HECW1: variants seen among roughly 807,000 people sequenced by gnomAD.
The protein encoded by HECW1 is E3 ubiquitin-protein ligase HECW1.
Under a neutral mutation model 182.3 loss-of-function variants are expected in HECW1, and 61 were observed. That is an observed-to-expected ratio of 0.33 (90% CI 0.27 to 0.41). The LOEUF (loss-of-function observed/expected upper bound fraction) is 0.41, where lower values mean the gene tolerates loss of function less well. Ranked by LOEUF, HECW1 falls within the 10% of genes least tolerant of loss-of-function variation. The pLI is 1.00. For missense variants in HECW1, 1,739 were observed against 2,108.9 expected, an observed-to-expected ratio of 0.82 and a Z score of 3.44; for synonymous variants, 859 against 832.6, an observed-to-expected ratio of 1.03 and a Z score of -0.55.
rs143734637 is a variant in HECW1 at position 43,387,324 on chromosome 7, T to C, written c.556-9490T>C. On this transcript the variant is annotated intron_variant, in intron 6 of 29. Transcript: ENST00000395891. The stretch of plus-strand genomic sequence containing the variant: ...CTAAGTCTTAGAGGATCCAGGTCTT[T>C]CTCTGTGGTCTTTATTCACCAAAAC... Among the ~76,000 whole-genome samples, 219 of 152,288 alleles carry C rather than the reference T, an allele frequency of 1.4e-3. 1 individual carries two copies. Among genetic ancestry groups the C allele is most frequent in the African/African-American group, 5.0e-3 (207 of 41,564 alleles).
At chr7:43,221,081 G>GAC (rs1048167800) in intron 2 of HECW1, among the ~76,000 whole-genome samples, 1 of 152,212 alleles carries the variant, frequency 6.6e-6, no homozygotes, top group African/African-American at 2.4e-5. Context: ...TTCTTCTAGT[G>GAC]ACCTGGAAGC....
At chr7:43,445,935 G>A (rs978526917) in intron 11 of HECW1, among the ~76,000 whole-genome samples, 4 of 152,264 alleles carry the variant, frequency 2.6e-5, no homozygotes, top group South Asian at 4.1e-4. Context: ...GATATACATG[G>A]GAAAAATCTA....
intron 2 of HECW1, among the ~76,000 whole-genome samples, chr7:43,230,326 A>G (rs1797772053): frequency 6.6e-6 from 1 of 152,192 alleles, no homozygotes; most frequent in Non-Finnish European, 1.5e-5. Flanking sequence ...CCCTGGAGGC[A>G]GAGGTTGCAA....
intron 8 of HECW1, among the ~76,000 whole-genome samples, chr7:43,427,092 A>C (rs943333744): frequency 1.4e-4 from 22 of 152,118 alleles, no homozygotes; most frequent in African/African-American, 5.3e-4. Context: ...ATATTTGAAA[A>C]TGTTTTTATT....
chr7:43,374,279 CA>C (rs2074231755), intron 6 of HECW1, among the ~76,000 whole-genome samples: 1 of 152,172 alleles, frequency 6.6e-6, no homozygotes, highest in Non-Finnish European at 1.5e-5. Context: ...CTGTTCTCTA[CA>C]TGATTCAAGA....
chr7:43,321,777 C>G (rs1810145603), intron 5 of HECW1, among the ~76,000 whole-genome samples: 1 of 150,962 alleles, frequency 6.6e-6, no homozygotes, highest in Non-Finnish European at 1.5e-5. Flanking sequence ...CTTTCATTTT[C>G]ATTCACTCTT....
At chr7:43,188,867 G>A (rs1191010338) in intron 2 of HECW1, among the ~76,000 whole-genome samples, 1 of 152,070 alleles carries the variant, frequency 6.6e-6, no homozygotes, top group Non-Finnish European at 1.5e-5. Context: ...CTTGTCATTG[G>A]GGTTAGAAAC....
intron 3 of HECW1, among the ~76,000 whole-genome samples, chr7:43,305,343 C>CT (rs1324313128): frequency 6.6e-6 from 1 of 152,102 alleles, no homozygotes; most frequent in Non-Finnish European, 1.5e-5. Context: ...CTAAGCTTTC[C>CT]TTTTATCTTC....
chr7:43,513,211 C>A (rs2079964482), intron 24 of HECW1, among the ~76,000 whole-genome samples: 1 of 152,192 alleles, frequency 6.6e-6, no homozygotes, highest in Non-Finnish European at 1.5e-5. Flanking sequence ...TCACACTTTT[C>A]TGTATTATCT....
chr7:43,382,038 C>A (rs1017688621), intron 6 of HECW1, among the ~76,000 whole-genome samples: 1 of 152,078 alleles, frequency 6.6e-6, no homozygotes, highest in African/African-American at 2.4e-5. Flanking sequence ...GTAGTCCCAG[C>A]ACTTTGGGAG....
chr7:43,512,865 G>C (rs1210916604), intron 24 of HECW1, among the ~76,000 whole-genome samples: 1 of 152,188 alleles, frequency 6.6e-6, no homozygotes, highest in Non-Finnish European at 1.5e-5. Context: ...ACGGTACTCA[G>C]CTGTGGCTGG....
At chr7:43,450,113 G>A (rs533835791) in intron 11 of HECW1, among the ~76,000 whole-genome samples, 3 of 151,476 alleles carry the variant, frequency 2.0e-5, no homozygotes, top group South Asian at 4.2e-4. Flanking sequence ...CTTTCCTGTC[G>A]CCGTCTTTCT....
chr7:43,500,292 G>A (rs997778874), intron 19 of HECW1, among the ~76,000 whole-genome samples: 3 of 151,942 alleles, frequency 2.0e-5, no homozygotes, highest in African/African-American at 2.4e-5. Context: ...TAGAGACAAG[G>A]TTTCACCATA....
At chr7:43,465,886 G>A (rs1012785968) in intron 14 of HECW1, among the ~76,000 whole-genome samples, 11 of 151,318 alleles carry the variant, frequency 7.3e-5, no homozygotes, top group East Asian at 2.0e-4. Flanking sequence ...AGAGCGAGAC[G>A]CTGTCTCAAG....
intron 13 of HECW1, 97 bp downstream of exon 13, chr7:43,456,544 G>C: frequency 9.0e-7 from 1 of 1,108,740 alleles, no homozygotes; most frequent in Middle Eastern, 2.1e-4. Context: ...CAGACTGTAT[G>C]AGGAGACTGG....
intron 2 of HECW1, among the ~76,000 whole-genome samples, chr7:43,197,368 C>T (rs1794558884): frequency 2.0e-5 from 3 of 152,082 alleles, no homozygotes; most frequent in African/African-American, 7.2e-5. Context: ...TGACTTTATG[C>T]AAATCAGAGA....
At chr7:43,147,042 C>A (rs1788791570) in intron 2 of HECW1, among the ~76,000 whole-genome samples, 1 of 152,180 alleles carries the variant, frequency 6.6e-6, no homozygotes, top group Admixed American at 6.5e-5. Flanking sequence ...TTGCCTCTGG[C>A]CAGCAGTGGG....
At chr7:43,456,487 T>G (rs1040345767) in intron 13 of HECW1, 40 bp downstream of exon 13, 1 of 1,579,522 alleles carries the variant, frequency 6.3e-7, no homozygotes, top group Non-Finnish European at 8.6e-7. Flanking sequence ...TAAACCACAG[T>G]GAAAGGAGAA....
intron 2 of HECW1, among the ~76,000 whole-genome samples, chr7:43,219,461 C>T (rs1584028090): frequency 6.6e-6 from 1 of 152,198 alleles, no homozygotes; most frequent in East Asian, 1.9e-4. Context: ...GAAGGAAGGG[C>T]TTTATTCAGC....
Sources: allele counts gnomAD v4.1 joint callset (sites outside exome capture counted in the v4.1 genomes callset), GRCh38; gene constraint gnomAD v4.1.1; transcripts MANE v1.5; gene names NCBI Gene and HGNC (gene_info 2026-07-23, HGNC 2026-07-21).